Variants in TTC23L observed in about 807,000 individuals in gnomAD.
TTC23L encodes the protein tetratricopeptide repeat domain 23 like.
In TTC23L, 42 loss-of-function variants were observed where a neutral mutation model predicts 48.1. The ratio of observed to expected loss-of-function variants is 0.87; its 90% CI spans 0.68 to 1.13. The LOEUF (loss-of-function observed/expected upper bound fraction) is 1.13, where lower values mean the gene tolerates loss of function less well. TTC23L is among the 50% of genes most tolerant of loss of function. TTC23L has a pLI of 0.00. For missense variants in TTC23L, 391 were observed against 421.0 expected (o/e 0.93, Z 0.62); for synonymous variants, 159 against 157.2 (o/e 1.01, Z -0.09).
intron 3 of TTC23L, among the ~76,000 whole-genome samples, chr5:34,846,979 G>T (rs1759256862): frequency 6.6e-6 from 1 of 152,096 alleles, no homozygotes; most frequent in African/African-American, 2.4e-5. Flanking sequence ...GTAAGCATGA[G>T]TATTCAAAAT....
chr5:34,914,599 G>A, the TTC23L span: 14 of 1,112,880 alleles, frequency 1.3e-5, no homozygotes, highest in South Asian at 1.6e-4. Context: ...AAGTTATTAT[G>A]ACTATTAAGT....
At chr5:34,904,862 T>C in the TTC23L span, among the ~76,000 whole-genome samples, 380 of 152,346 alleles carry the variant, frequency 2.5e-3, 4 homozygotes, top group African/African-American at 8.7e-3. Context: ...TACTTCCTTT[T>C]TACTTTAGTA....
chr5:34,901,764 AAAAC>A (rs1763517255), downstream of TTC23L, among the ~76,000 whole-genome samples: 1 of 152,100 alleles, frequency 6.6e-6, no homozygotes. Context: ...CTCCATCTCA[AAAAC>A]AAAAACAAAA....
chr5:34,922,718 A>G, the TTC23L span: 1 of 1,614,086 alleles, frequency 6.2e-7, no homozygotes, highest in Non-Finnish European at 8.5e-7. Flanking sequence ...TGAACTGAAG[A>G]TGACTGGAAA....
At chr5:34,905,633 TAGAA>T in the TTC23L span, 1 of 152,154 alleles carries the variant, frequency 6.6e-6, no homozygotes, top group Non-Finnish European at 1.5e-5. Context: ...ACCATTTTAC[TAGAA>T]AGAGAGATAA....
At chr5:34,856,722 A>G (rs1350221064) in intron 4 of TTC23L, among the ~76,000 whole-genome samples, 1 of 152,266 alleles carries the variant, frequency 6.6e-6, no homozygotes, top group African/African-American at 2.4e-5. Flanking sequence ...AATCAATTAC[A>G]GAAGGTTTAT....
intron 10 of TTC23L, among the ~76,000 whole-genome samples, chr5:34,898,810 C>CT (rs1763387478): frequency 6.6e-6 from 1 of 152,100 alleles, no homozygotes; most frequent in African/African-American, 2.4e-5. Flanking sequence ...ATGAAAACCA[C>CT]TTTTTTCAGG....
In TTC23L at chr5:34,894,885, T is replaced by C. The variant is rs550032486; in HGVS notation, c.1078-1885T>C. 7.1e-3 allele frequency among the ~76,000 whole-genome samples: 759 copies of C among 107,004 alleles called. 8 individuals are homozygous for C. The highest frequency in any genetic ancestry group is 0.023 in the African/African-American group (734 of 31,670). The allele number at this position is 107,004 out of a possible 152,430, so 70.2% of individuals were successfully genotyped here. A position where few individuals can be genotyped will look rare whatever the true frequency, so the allele number is the denominator to read the frequency against. On this transcript the variant is annotated intron_variant, in intron 9 of 10. Transcript: ENST00000505624. Reference sequence around the variant, plus strand: ...TAATTAGAGATGATGAGAGTGTTAATGATGATGATGATGATGATGATGATG... The same window carrying C: ...TAATTAGAGATGATGAGAGTGTTAACGATGATGATGATGATGATGATGATG...
chr5:34,902,819 C>A (rs1763540945), downstream of TTC23L, among the ~76,000 whole-genome samples: 1 of 152,084 alleles, frequency 6.6e-6, no homozygotes, highest in South Asian at 2.1e-4. Flanking sequence ...GGTCACTTGG[C>A]CTATCATTGT....
chr5:34,869,626 G>A (rs1761310178), intron 8 of TTC23L: 1 of 152,504 alleles, frequency 6.6e-6, no homozygotes, highest in Admixed American at 6.5e-5. Flanking sequence ...AATGGACACT[G>A]ATGGATTCAG....
At chr5:34,908,643 A>G in the TTC23L span, 2 of 866,644 alleles carry the variant, frequency 2.3e-6, no homozygotes, top group South Asian at 1.9e-5. Context: ...CCTTGCTCCT[A>G]TCTTCCCCAT....
intron 8 of TTC23L, among the ~76,000 whole-genome samples, chr5:34,878,667 T>C (rs749565860): frequency 5.3e-5 from 8 of 152,140 alleles, no homozygotes; most frequent in African/African-American, 1.9e-4. Context: ...ACAGTGGCTA[T>C]TATGAAAAAG....
downstream of TTC23L, among the ~76,000 whole-genome samples, chr5:34,902,801 T>C (rs1302264010): frequency 6.6e-6 from 1 of 152,072 alleles, no homozygotes; most frequent in East Asian, 1.9e-4. Context: ...CTGTGGTGCT[T>C]ATTAACTGGT....
At chr5:34,876,611 T>A (rs1761847365) in intron 8 of TTC23L, among the ~76,000 whole-genome samples, 1 of 150,536 alleles carries the variant, frequency 6.6e-6, no homozygotes, top group South Asian at 2.1e-4. Flanking sequence ...ATTGAATCAA[T>A]AATTAATAAC....
chr5:34,864,684 C>G, intron 6 of TTC23L, 122 bp downstream of exon 6: 1 of 1,261,700 alleles, frequency 7.9e-7, no homozygotes. Context: ...AAAAGAGGCT[C>G]ATATTTACCA....
At chr5:34,869,013 G>A (rs1561140700) in exon 8 of TTC23L, 2 of 1,600,510 alleles carry the variant, frequency 1.2e-6, no homozygotes, top group African/African-American at 1.3e-5. Context: ...CCAGCACAGG[G>A]GTAGGTAAAA....
At chr5:34,911,602 G>A in the TTC23L span, 70 of 1,613,992 alleles carry the variant, frequency 4.3e-5, 1 homozygote, top group South Asian at 6.3e-4. Flanking sequence ...GACTTCACTC[G>A]TCATATCCAA....
At chr5:34,859,989 G>A (rs1279707358) in intron 4 of TTC23L, among the ~76,000 whole-genome samples, 4 of 151,096 alleles carry the variant, frequency 2.6e-5, no homozygotes, top group African/African-American at 7.3e-5. Flanking sequence ...GACTACAGGC[G>A]CCCGCCACCA....
In TTC23L at chr5:34,845,665, G is replaced by GA. The variant is rs1363220216; in HGVS notation, c.253dup (p.Met85AsnfsTer70). 3 of 1,596,212 alleles carry GA rather than the reference G, an allele frequency of 1.9e-6. No individual in the cohort carries two copies. The highest frequency in any genetic ancestry group is 2.2e-5 in the East Asian group (1 of 44,804). ...GAAGAAAGTAGCTCAGCTGATTAAG[G>GA]AAAAAATGGTAAAACAAAAAACTCA... On this transcript the variant is annotated frameshift_variant, in exon 3 of 11. Transcript: ENST00000505624. LOFTEE classifies it high-confidence loss of function.
Sources: allele counts gnomAD v4.1 joint callset (sites outside exome capture counted in the v4.1 genomes callset), GRCh38; gene constraint gnomAD v4.1.1; transcripts MANE v1.5; gene names NCBI Gene and HGNC (gene_info 2026-07-23, HGNC 2026-07-21).